Variants in ZNF808 observed in about 807,000 individuals in gnomAD.
ZNF808 encodes the protein zinc finger protein 808.
Under a neutral mutation model 8.7 loss-of-function variants are expected in ZNF808, and 5 were observed. The ratio of observed to expected loss-of-function variants is 0.58; its 90% CI spans 0.30 to 1.21. The LOEUF (loss-of-function observed/expected upper bound fraction) is 1.21. Among genes scored for constraint, ZNF808 ranks in the 50% most tolerant of loss-of-function variants. The pLI is 0.07. For synonymous variants in ZNF808, 380 were observed against 366.0 expected, an observed-to-expected ratio of 1.04 and a Z score of -0.44; for missense variants, 1,103 against 1,098.4, an observed-to-expected ratio of 1.00 and a Z score of -0.06.
In ZNF808 at chr19:52,544,946, G is replaced by C. The variant is rs560166422; in HGVS notation, c.63+1599G>C. On this transcript the variant is annotated intron_variant, in intron 3 of 4. Coordinates refer to ENST00000359798, the MANE Select transcript of ZNF808 (RefSeq NM_001039886.4). ...TTACAGGCATTCGCTGTCACGCCTG[G>C]CTAATTATTTTGTATTTTTAGTAGA... Among the ~76,000 whole-genome samples the C allele has an allele frequency of 1.6e-3, 247 of 152,210 alleles. 1 individual carries two copies. Among genetic ancestry groups the C allele is most frequent in the Non-Finnish European group, 2.9e-3 (194 of 68,016 alleles).
chr19:52,557,961 C>T (rs1275949916), downstream of ZNF808, among the ~76,000 whole-genome samples: 4 of 145,366 alleles, frequency 2.8e-5, no homozygotes, highest in African/African-American at 7.6e-5. Flanking sequence ...AAGCTCAGCC[C>T]GAGTGACTCT....
intron 4 of ZNF808, among the ~76,000 whole-genome samples, chr19:52,551,595 T>C (rs760894778): frequency 1.3e-5 from 2 of 152,158 alleles, no homozygotes; most frequent in Non-Finnish European, 2.9e-5. Flanking sequence ...AATGTACTTA[T>C]TTGCTTGCTG....
downstream of ZNF808, among the ~76,000 whole-genome samples, chr19:52,565,958 C>G (rs1265173061): frequency 1.3e-5 from 2 of 152,112 alleles, no homozygotes; most frequent in Non-Finnish European, 2.9e-5. Context: ...TTTCTAAATT[C>G]ATTGAGACCT....
At position 52,543,318 on chromosome 19, in the gene ZNF808, G is replaced by A. The variant is rs554434175; in HGVS notation, c.34G>A (p.Gly12Arg). 6 of 1,613,606 alleles carry A rather than the reference G, an allele frequency of 3.7e-6. No homozygotes were observed. Among genetic ancestry groups the A allele is most frequent in the South Asian group, 1.1e-5 (1 of 91,076 alleles). ...LREEAAQKRK[G>R]KESGMALPQG... ...TGAGGAAGCAGCTCAGAAGAGGAAAGGAAAGGAGTCAGGCATGGCTCTTCC... is the reference window on the plus strand; with the variant it reads ...TGAGGAAGCAGCTCAGAAGAGGAAAAGAAAGGAGTCAGGCATGGCTCTTCC... The change falls in exon 3 of 5, where the codon GGA becomes AGA. Residue 12 changes from glycine (G) to arginine (R), a missense_variant. Physicochemically the swap from Gly to Arg is moderately radical, Grantham distance 125 (BLOSUM62 -2). Transcript: ENST00000359798.
At chr19:52,543,023 C>T (rs1332055222) in intron 2 of ZNF808, among the ~76,000 whole-genome samples, 1 of 151,906 alleles carries the variant, frequency 6.6e-6, no homozygotes, top group Non-Finnish European at 1.5e-5. Context: ...CAGTGCAGCC[C>T]AGGTCCCCCC....
chr19:52,542,702 TTGGTC>T (rs1489668048), intron 2 of ZNF808, among the ~76,000 whole-genome samples: 1 of 152,162 alleles, frequency 6.6e-6, no homozygotes, highest in Non-Finnish European at 1.5e-5. Context: ...GTACATTGGT[TTGGTC>T]TGGGAAGGCG....
chr19:52,551,189 TA>T (rs1222331404), intron 4 of ZNF808, among the ~76,000 whole-genome samples: 1 of 152,046 alleles, frequency 6.6e-6, no homozygotes, highest in East Asian at 1.9e-4. Context: ...CCGTCTCTAG[TA>T]AAAATACAAA....
At chr19:52,538,503 C>T (rs1332940376) in intron 2 of ZNF808, among the ~76,000 whole-genome samples, 1 of 150,654 alleles carries the variant, frequency 6.6e-6, no homozygotes, top group Non-Finnish European at 1.5e-5. Context: ...CGCCACCATG[C>T]CCTGCTAATT....
At chr19:52,535,309 T>C (rs867948753) in intron 2 of ZNF808, among the ~76,000 whole-genome samples, 34 of 117,880 alleles carry the variant, frequency 2.9e-4, no homozygotes, top group Admixed American at 1.8e-3. Context: ...CCAGCCTGGG[T>C]GACAGAGCGA....
chr19:52,539,318 A>G lies in ZNF808; in HGVS notation c.-19-3948A>G, dbSNP rs373102575. On this transcript the variant is annotated intron_variant, in intron 2 of 4. Transcript: ENST00000359798. ...AAGGAATTCTCTGCCTCAGCCTCCC[A>G]AGCAGCTGGGATTATAGGCACCTGC... Among the ~76,000 whole-genome samples the G allele has an allele frequency of 2.7e-5, 4 of 149,692 alleles. No individual in the cohort carries two copies. In the South Asian group the frequency reaches 6.3e-4, roughly 24 times the overall value.
intron 4 of ZNF808, among the ~76,000 whole-genome samples, chr19:52,551,841 A>T (rs2059779920): frequency 6.6e-6 from 1 of 151,822 alleles, no homozygotes; most frequent in East Asian, 1.9e-4. Flanking sequence ...CATCTCTACT[A>T]AAAACACAAA....
intron 1 of ZNF808, among the ~76,000 whole-genome samples, chr19:52,530,986 C>A (rs535740769): frequency 2.0e-5 from 3 of 151,284 alleles, no homozygotes; most frequent in Non-Finnish European, 4.4e-5. Flanking sequence ...CCCCGCCCCC[C>A]AAAAAAAGAA....
chr19:52,536,365 G>T (rs1316635168), intron 2 of ZNF808, among the ~76,000 whole-genome samples: 2 of 152,012 alleles, frequency 1.3e-5, no homozygotes, highest in African/African-American at 4.8e-5. Context: ...GTGGATTCCC[G>T]CCCTGGGCGC....
chr19:52,557,467 C>T (rs978956732), downstream of ZNF808, among the ~76,000 whole-genome samples: 2 of 152,116 alleles, frequency 1.3e-5, no homozygotes, highest in Non-Finnish European at 2.9e-5. Flanking sequence ...AGGGTTTTAC[C>T]ATGTGGGCCA....
chr19:52,535,570 T>C lies in ZNF808; in HGVS notation c.-20+2561T>C, dbSNP rs539212893. Among the ~76,000 whole-genome samples the C allele has an allele frequency of 2.0e-3, 299 of 152,156 alleles. 1 individual carries two copies. The highest frequency in any genetic ancestry group is 5.3e-3 in the African/African-American group (222 of 41,520). ...CCTCACTCCTCCCTGGCCTGAGCAC[T>C]CCGTCCCGCATCCCAGGCGGAGGCC... is the stretch of plus-strand genomic sequence containing the variant. On this transcript the variant is annotated intron_variant, in intron 2 of 4. Coordinates refer to ENST00000359798, the MANE Select transcript of ZNF808 (RefSeq NM_001039886.4).
In ZNF808 at chr19:52,544,317, G is replaced by T. The variant is rs551655382; in HGVS notation, c.63+970G>T. ...GAATGATAGGCATGGGTCACCATAT[G>T]TATGTGTGTATATTATGTATGTATT... On this transcript the variant is annotated intron_variant, in intron 3 of 4. Transcript: ENST00000359798. Among the ~76,000 whole-genome samples the T allele has an allele frequency of 2.6e-5, 4 of 152,234 alleles. No homozygotes were observed. In the South Asian group the frequency reaches 8.3e-4, roughly 32 times the overall value.
intron 1 of ZNF808, among the ~76,000 whole-genome samples, chr19:52,531,286 C>T (rs762456075): frequency 1.3e-5 from 2 of 151,976 alleles, no homozygotes; most frequent in Admixed American, 6.6e-5. Context: ...CCAGCCTGAC[C>T]AATATAGAGA....
intron 2 of ZNF808, among the ~76,000 whole-genome samples, chr19:52,538,159 C>T (rs535862545): frequency 1.3e-4 from 20 of 151,766 alleles, no homozygotes; most frequent in African/African-American, 4.6e-4. Flanking sequence ...TGGTGTGAGA[C>T]ACCAAGCCCA....
chr19:52,529,892 C>CATAT (rs536138507), intron 1 of ZNF808, among the ~76,000 whole-genome samples: 155 of 141,954 alleles, frequency 1.1e-3, no homozygotes, highest in Non-Finnish European at 1.3e-3. Flanking sequence ...AGCTAGTTTA[C>CATAT]ATATATATAT....
Sources: gnomAD v4.1 joint callset for allele counts (sites outside exome capture counted in the v4.1 genomes callset) on GRCh38, gnomAD v4.1.1 for gene constraint, MANE v1.5 for transcripts, NCBI Gene and HGNC (gene_info 2026-07-23, HGNC 2026-07-21) for gene names.